The following ASIC2 variants were observed in gnomAD, a reference collection of about 807,000 sequenced individuals.
The protein encoded by ASIC2 is acid-sensing ion channel 2.
In ASIC2, 25 loss-of-function variants were observed where a neutral mutation model predicts 57.3. That is an observed-to-expected ratio of 0.44 (90% CI 0.32 to 0.61). The LOEUF (loss-of-function observed/expected upper bound fraction) is 0.61, where lower values mean the gene tolerates loss of function less well. ASIC2 is among the 20% of genes least tolerant of loss of function. The probability of loss-of-function intolerance (pLI) is 0.06; values close to 1 mark genes in which losing one functional copy is unlikely to be tolerated. For synonymous variants in ASIC2, 319 were observed against 307.5 expected, an observed-to-expected ratio of 1.04 and a Z score of -0.39; for missense variants, 641 against 738.1, an observed-to-expected ratio of 0.87 and a Z score of 1.52.
intron 2 of ASIC2, among the ~76,000 whole-genome samples, chr17:33,096,856 G>T (rs2092181998): frequency 6.6e-6 from 1 of 152,222 alleles, no homozygotes; most frequent in Non-Finnish European, 1.5e-5. Flanking sequence ...AAGGCTCTGG[G>T]ACAGGTGCAC....
chr17:33,878,881 G>A (rs1316244628), intron 1 of ASIC2, among the ~76,000 whole-genome samples: 1 of 152,218 alleles, frequency 6.6e-6, no homozygotes, highest in Non-Finnish European at 1.5e-5. Context: ...CCCACAAGGG[G>A]AAGCCCATCA....
chr17:33,319,716 T>C (rs1906793930), intron 1 of ASIC2, among the ~76,000 whole-genome samples: 1 of 152,174 alleles, frequency 6.6e-6, no homozygotes, highest in African/African-American at 2.4e-5. Flanking sequence ...GTATTTTTTG[T>C]AGAGATGGGG....
At position 33,514,968 on chromosome 17, in the gene ASIC2, G is replaced by A. The variant is rs144099952; in HGVS notation, c.556-402901C>T. On this transcript the variant is annotated intron_variant, in intron 1 of 9. Coordinates refer to the ASIC2 transcript ENST00000359872. ...TCTTTCTCACCTCCTGCCAAACTCCGTGCCAGCCCTCAGCACCACAGCCTG... is the reference window on the plus strand; with the variant it reads ...TCTTTCTCACCTCCTGCCAAACTCCATGCCAGCCCTCAGCACCACAGCCTG... Among the ~76,000 whole-genome samples, 466 of 152,294 alleles carry A rather than the reference G, an allele frequency of 3.1e-3. 3 individuals are homozygous for A. The highest frequency in any genetic ancestry group is 0.01 in the African/African-American group (434 of 41,564).
chr17:34,048,764 G>A lies in ASIC2; in HGVS notation c.555+107214C>T, dbSNP rs147389134. On this transcript the variant is annotated intron_variant, in intron 1 of 9. Transcript: ENST00000359872. Reference sequence around the variant, plus strand: ...CTATGTGTGAACACAGTCTTCCATCGGATGTTGTGCAGATAAGAGATGGTA... The same window carrying A: ...CTATGTGTGAACACAGTCTTCCATCAGATGTTGTGCAGATAAGAGATGGTA... 5.9e-5 allele frequency among the ~76,000 whole-genome samples: 9 copies of A among 152,324 alleles called. No individual in the cohort carries two copies. In the East Asian group the frequency reaches 1.2e-3, roughly 20 times the overall value.
At chr17:33,740,695 C>T (rs937438028) in intron 1 of ASIC2, among the ~76,000 whole-genome samples, 2 of 152,264 alleles carry the variant, frequency 1.3e-5, no homozygotes, top group Non-Finnish European at 2.9e-5. Context: ...TCCTTCAGGG[C>T]TGGATGAGGA....
intron 1 of ASIC2, among the ~76,000 whole-genome samples, chr17:33,577,801 G>A (rs1170826392): frequency 6.6e-6 from 1 of 152,098 alleles, no homozygotes; most frequent in East Asian, 1.9e-4. Context: ...CCCCCAACCT[G>A]TCTTACACCA....
intron 1 of ASIC2, among the ~76,000 whole-genome samples, chr17:33,726,594 C>T (rs1228064440): frequency 6.6e-6 from 1 of 152,160 alleles, no homozygotes; most frequent in African/African-American, 2.4e-5. Context: ...CAGACACAGA[C>T]TCTAGGCTCT....
chr17:33,074,346 C>T (rs2092081112), intron 3 of ASIC2, among the ~76,000 whole-genome samples: 1 of 152,154 alleles, frequency 6.6e-6, no homozygotes, highest in Non-Finnish European at 1.5e-5. Flanking sequence ...CTGTGTTGGC[C>T]CTGCCCCTTG....
intron 1 of ASIC2, among the ~76,000 whole-genome samples, chr17:33,860,320 A>G (rs932883183): frequency 2.6e-5 from 4 of 152,142 alleles, no homozygotes; most frequent in Non-Finnish European, 5.9e-5. Flanking sequence ...AGTCAAGCAA[A>G]ATAAGCATTA....
intron 1 of ASIC2, among the ~76,000 whole-genome samples, chr17:33,490,810 G>T (rs1387540956): frequency 6.6e-6 from 1 of 152,160 alleles, no homozygotes; most frequent in Non-Finnish European, 1.5e-5. Context: ...TATTTCCTTA[G>T]GAAAAATTTC....
chr17:34,038,846 G>T, intron 1 of ASIC2: 1 of 1,612,252 alleles, frequency 6.2e-7, no homozygotes, highest in Admixed American at 1.7e-5. Context: ...TTTCCGCTTT[G>T]CTAACATTTT....
intron 1 of ASIC2, among the ~76,000 whole-genome samples, chr17:34,087,535 G>A (rs139237553): frequency 0.019 from 2,900 of 152,100 alleles, 92 homozygotes; most frequent in East Asian, 0.059. Flanking sequence ...TGCTCTTCTC[G>A]AGGAGTATCT....
chr17:34,132,373 T>C (rs1007994848), intron 1 of ASIC2, among the ~76,000 whole-genome samples: 8 of 152,138 alleles, frequency 5.3e-5, no homozygotes, highest in Non-Finnish European at 1.0e-4. Context: ...GAAGGACAGG[T>C]AGACGGGTTG....
intron 1 of ASIC2, among the ~76,000 whole-genome samples, chr17:33,178,516 A>G (rs986398876): frequency 2.6e-5 from 4 of 152,252 alleles, no homozygotes; most frequent in Non-Finnish European, 5.9e-5. Flanking sequence ...CATAAATAAA[A>G]CCATAAAGTC....
chr17:33,629,215 C>T (rs1906083905), intron 1 of ASIC2, among the ~76,000 whole-genome samples: 1 of 152,224 alleles, frequency 6.6e-6, no homozygotes, highest in East Asian at 1.9e-4. Context: ...CTCCCCGTGG[C>T]TTCTTCCCTG....
At chr17:33,698,081 T>G (rs1232330834) in intron 1 of ASIC2, among the ~76,000 whole-genome samples, 1 of 152,244 alleles carries the variant, frequency 6.6e-6, no homozygotes, top group African/African-American at 2.4e-5. Flanking sequence ...TACTTTATAT[T>G]CACATAATTC....
At chr17:34,016,173 C>G (rs1286988055) in intron 1 of ASIC2, among the ~76,000 whole-genome samples, 7 of 151,904 alleles carry the variant, frequency 4.6e-5, no homozygotes, top group African/African-American at 1.7e-4. Flanking sequence ...GCCTGTAATC[C>G]CAGCACTTTG....
intron 1 of ASIC2, among the ~76,000 whole-genome samples, chr17:33,450,214 C>T (rs1345642214): frequency 9.2e-5 from 14 of 152,200 alleles, no homozygotes; most frequent in East Asian, 1.9e-4. Context: ...TGTTTAGGCA[C>T]GCTCCGTATA....
chr17:33,422,494 G>A (rs534881077), intron 1 of ASIC2, among the ~76,000 whole-genome samples: 1 of 152,272 alleles, frequency 6.6e-6, no homozygotes, highest in South Asian at 2.1e-4. Context: ...GCTCTGGGTG[G>A]GCAGGAGGGT....
Sources: gnomAD v4.1 joint callset for allele counts (sites outside exome capture counted in the v4.1 genomes callset) on GRCh38, gnomAD v4.1.1 for gene constraint, MANE v1.5 for transcripts, NCBI Gene and HGNC (gene_info 2026-07-23, HGNC 2026-07-21) for gene names.